SPATA1: variants seen among roughly 807,000 people sequenced by gnomAD.
SPATA1 encodes spermatogenesis-associated protein 1.
In SPATA1, 57 loss-of-function variants were observed where a neutral mutation model predicts 59.6. That is an observed-to-expected ratio of 0.96 (90% CI 0.77 to 1.19). The LOEUF (loss-of-function observed/expected upper bound fraction) is 1.19. SPATA1 is among the 50% of genes most tolerant of loss of function. The probability of loss-of-function intolerance (pLI) is 0.00; values close to 1 mark genes in which losing one functional copy is unlikely to be tolerated. For missense variants in SPATA1, 448 were observed against 480.7 expected, an observed-to-expected ratio of 0.93 and a Z score of 0.64; for synonymous variants, 147 against 163.9, an observed-to-expected ratio of 0.90 and a Z score of 0.79.
At chr1:84,508,136 G>C (rs1297516215) in intron 1 of SPATA1, among the ~76,000 whole-genome samples, 2 of 152,098 alleles carry the variant, frequency 1.3e-5, no homozygotes, top group African/African-American at 4.8e-5. Context: ...AAAATTAGCT[G>C]GGCGTGGTGG....
At chr1:84,534,722 T>A (rs1683603317) in intron 8 of SPATA1, among the ~76,000 whole-genome samples, 1 of 152,148 alleles carries the variant, frequency 6.6e-6, no homozygotes, top group Non-Finnish European at 1.5e-5. Flanking sequence ...ATTCAACAAC[T>A]ATTTGTGGAG....
At chr1:84,552,937 G>C in intron 12 of SPATA1, 1 of 740,024 alleles carries the variant, frequency 1.4e-6, no homozygotes, top group Non-Finnish European at 2.2e-6. Flanking sequence ...AGAGAAGACA[G>C]TTAAAGCGGT....
downstream of SPATA1, chr1:84,555,221 G>C: frequency 6.4e-7 from 1 of 1,555,836 alleles, no homozygotes. Context: ...AATTAAAATG[G>C]AGATTTTAAA....
chr1:84,532,928 G>A (rs1338446734), exon 7 of SPATA1: 2 of 1,551,900 alleles, frequency 1.3e-6, no homozygotes. Flanking sequence ...TGAGTTGCCA[G>A]GATCATTGGA....
At chr1:84,541,964 T>C (rs1683922822) in intron 8 of SPATA1, among the ~76,000 whole-genome samples, 1 of 152,022 alleles carries the variant, frequency 6.6e-6, no homozygotes, top group Non-Finnish European at 1.5e-5. Context: ...TTTTTGTTGT[T>C]GTTGTTTTAT....
At chr1:84,538,870 GCT>G (rs1050676409) in intron 8 of SPATA1, among the ~76,000 whole-genome samples, 2 of 152,178 alleles carry the variant, frequency 1.3e-5, no homozygotes, top group African/African-American at 2.4e-5. Context: ...AGTGTTCACA[GCT>G]CACTGCAGCC....
chr1:84,507,430 A>G (rs1682317227), intron 1 of SPATA1: 1 of 152,238 alleles, frequency 6.6e-6, no homozygotes, highest in Admixed American at 6.5e-5. Context: ...TGGCTCTGCT[A>G]CTTACGGTAT....
chr1:84,522,770 C>A (rs1052880997), intron 4 of SPATA1, among the ~76,000 whole-genome samples: 9 of 152,022 alleles, frequency 5.9e-5, no homozygotes, highest in Admixed American at 3.9e-4. Context: ...CATATAAGTT[C>A]TTGAATTTAA....
At chr1:84,545,200 G>C (rs1270783538) in intron 9 of SPATA1, among the ~76,000 whole-genome samples, 1 of 149,802 alleles carries the variant, frequency 6.7e-6, no homozygotes, top group Non-Finnish European at 1.5e-5. Flanking sequence ...CTGAGCAACA[G>C]AGTGAGACTC....
chr1:84,526,021 C>A, exon 6 of SPATA1: 1 of 1,613,144 alleles, frequency 6.2e-7, no homozygotes, highest in South Asian at 1.1e-5. Context: ...GAAGAGATCC[C>A]AGTTTGTTAG....
At chr1:84,532,896 C>T (rs765771597) in exon 7 of SPATA1, 73 of 1,551,554 alleles carry the variant, frequency 4.7e-5, no homozygotes, top group Non-Finnish European at 6.2e-5. Flanking sequence ...AGCCAAATTG[C>T]AAAAAATCAA....
intron 1 of SPATA1, among the ~76,000 whole-genome samples, chr1:84,513,830 T>A (rs1455879821): frequency 6.8e-6 from 1 of 147,942 alleles, no homozygotes; most frequent in Non-Finnish European, 1.5e-5. Context: ...TGACTTCTCT[T>A]TTCTATATTC....
chr1:84,543,696 C>T (rs760229118), intron 8 of SPATA1, among the ~76,000 whole-genome samples: 3 of 151,908 alleles, frequency 2.0e-5, no homozygotes, highest in Non-Finnish European at 4.4e-5. Context: ...GGACACAGAT[C>T]CAAATCATAT....
intron 4 of SPATA1, among the ~76,000 whole-genome samples, chr1:84,524,478 G>A (rs868831781): frequency 6.6e-6 from 1 of 152,158 alleles, no homozygotes; most frequent in Admixed American, 6.5e-5. Context: ...GAGGAGGCAG[G>A]AATTTCAGTA....
At chr1:84,523,180 C>T (rs1464348332) in intron 4 of SPATA1, among the ~76,000 whole-genome samples, 1 of 152,136 alleles carries the variant, frequency 6.6e-6, no homozygotes, top group Non-Finnish European at 1.5e-5. Flanking sequence ...CCTGGGATTA[C>T]AAGCATGAGC....
chr1:84,521,374 G>T (rs1254624680), intron 3 of SPATA1, among the ~76,000 whole-genome samples: 1 of 152,112 alleles, frequency 6.6e-6, no homozygotes, highest in Non-Finnish European at 1.5e-5. Context: ...ACTGCCTGTT[G>T]TTACTCCTTA....
At chr1:84,565,256 T>A (rs988316064) in intron 4 of SPATA1, among the ~76,000 whole-genome samples, 1 of 151,666 alleles carries the variant, frequency 6.6e-6, no homozygotes, top group African/African-American at 2.4e-5. Flanking sequence ...TTTAGTTGAC[T>A]GATGGAATAC....
intron 4 of SPATA1, chr1:84,563,215 AAACT>A: frequency 2.3e-6 from 3 of 1,285,102 alleles, no homozygotes; most frequent in Non-Finnish European, 3.1e-6. Flanking sequence ...ATAATTACAA[AAACT>A]AATAGAATAA....
At chr1:84,523,855 C>T (rs1161484329) in intron 4 of SPATA1, among the ~76,000 whole-genome samples, 2 of 151,984 alleles carry the variant, frequency 1.3e-5, no homozygotes, top group Non-Finnish European at 2.9e-5. Flanking sequence ...AAATATCAGT[C>T]ATAGAATCCC....
Sources: allele counts gnomAD v4.1 joint callset (sites outside exome capture counted in the v4.1 genomes callset), GRCh38; gene constraint gnomAD v4.1.1; transcripts MANE v1.5; gene names NCBI Gene and HGNC (gene_info 2026-07-23, HGNC 2026-07-21).